SH3RF2: variants seen among roughly 807,000 people sequenced by gnomAD.
SH3RF2 encodes the protein E3 ubiquitin-protein ligase SH3RF2.
SH3RF2 carries 43 observed loss-of-function variants against 59.0 expected under a neutral mutation model. The observed-to-expected ratio is 0.73, with a 90% CI of 0.57 to 0.94. The LOEUF (loss-of-function observed/expected upper bound fraction) is 0.94, where lower values mean the gene tolerates loss of function less well. Ranked by LOEUF, SH3RF2 falls within the 40% of genes least tolerant of loss-of-function variation. SH3RF2 has a pLI of 0.00. For missense variants in SH3RF2, 930 were observed against 940.1 expected (o/e 0.99, Z 0.14); for synonymous variants, 391 against 391.5 (o/e 1.00, Z 0.01).
exon 10 of SH3RF2, chr5:146,081,420 C>T (rs1443015723): frequency 1.3e-5 from 2 of 152,136 alleles, no homozygotes; most frequent in Non-Finnish European, 2.9e-5. Context: ...GTTTTATGTT[C>T]TGTGATTCTG....
chr5:145,967,278 C>T (rs1437214432), intron 2 of SH3RF2, among the ~76,000 whole-genome samples: 1 of 152,106 alleles, frequency 6.6e-6, no homozygotes, highest in African/African-American at 2.4e-5. Flanking sequence ...TCAAGCGACT[C>T]CTCTAATTGG....
chr5:145,987,591 CAT>C (rs1759763872), intron 2 of SH3RF2, among the ~76,000 whole-genome samples: 1 of 152,168 alleles, frequency 6.6e-6, no homozygotes. Context: ...GAGGTCATAA[CAT>C]AATTCTTTTC....
chr5:145,996,032 T>C (rs1434701227), intron 2 of SH3RF2, among the ~76,000 whole-genome samples: 1 of 152,202 alleles, frequency 6.6e-6, no homozygotes, highest in East Asian at 1.9e-4. Context: ...ACCAGTTTCC[T>C]GGGGATGAGC....
At chr5:146,047,344 C>T (rs558759488) in intron 5 of SH3RF2, among the ~76,000 whole-genome samples, 3 of 152,228 alleles carry the variant, frequency 2.0e-5, no homozygotes, top group Non-Finnish European at 4.4e-5. Context: ...ATTAACTTAG[C>T]TGATACTTAT....
At chr5:145,996,321 A>G (rs1428600603) in intron 2 of SH3RF2, among the ~76,000 whole-genome samples, 1 of 152,238 alleles carries the variant, frequency 6.6e-6, no homozygotes, top group East Asian at 1.9e-4. Flanking sequence ...TTGGAAAAGC[A>G]CAAAATAAAA....
At chr5:146,021,989 G>A (rs1761338626) in intron 5 of SH3RF2, among the ~76,000 whole-genome samples, 1 of 152,198 alleles carries the variant, frequency 6.6e-6, no homozygotes, top group South Asian at 2.1e-4. Flanking sequence ...CTTTTTAGCA[G>A]TCAAAATGTC....
chr5:146,068,399 G>A (rs2962537), intron 9 of SH3RF2, among the ~76,000 whole-genome samples: 146,393 of 152,308 alleles, frequency 0.96, 70,660 homozygotes, highest in East Asian at 1. Flanking sequence ...GCACGGGGCA[G>A]TGCCGGGCCA....
chr5:146,075,931 A>C (rs1188517786), intron 9 of SH3RF2, among the ~76,000 whole-genome samples: 1 of 152,058 alleles, frequency 6.6e-6, no homozygotes, highest in East Asian at 1.9e-4. Flanking sequence ...GCCTAATCCC[A>C]AAACCCCTGG....
intron 2 of SH3RF2, among the ~76,000 whole-genome samples, chr5:145,981,708 C>T (rs1227486341): frequency 1.3e-5 from 2 of 152,188 alleles, no homozygotes; most frequent in African/African-American, 4.8e-5. Flanking sequence ...TAGCCACATG[C>T]AGCTCTTCAA....
intron 7 of SH3RF2, 174 bp from the exon 8 acceptor site, chr5:146,055,807 G>A: frequency 2.9e-6 from 2 of 701,404 alleles, no homozygotes. Flanking sequence ...GGGAGGTGGG[G>A]CCAACTTTAG....
chr5:146,000,862 G>A (rs367590392), intron 3 of SH3RF2, among the ~76,000 whole-genome samples: 16 of 152,316 alleles, frequency 1.1e-4, no homozygotes, highest in South Asian at 8.3e-4. Context: ...GGGAAGCACC[G>A]ATACATGGAC....
intron 2 of SH3RF2, among the ~76,000 whole-genome samples, chr5:145,980,704 A>G (rs1481350893): frequency 2.6e-5 from 4 of 152,194 alleles, no homozygotes; most frequent in Middle Eastern, 3.2e-3. Context: ...TAAGCTCCCA[A>G]TATTCAAGGA....
intron 5 of SH3RF2, among the ~76,000 whole-genome samples, chr5:146,023,964 A>T (rs1473057527): frequency 6.6e-6 from 1 of 152,220 alleles, no homozygotes; most frequent in Non-Finnish European, 1.5e-5. Flanking sequence ...GGCAAATAAC[A>T]TTCTATTGTA....
At chr5:146,025,923 C>T (rs1761515569) in intron 5 of SH3RF2, among the ~76,000 whole-genome samples, 1 of 152,202 alleles carries the variant, frequency 6.6e-6, no homozygotes, top group Non-Finnish European at 1.5e-5. Context: ...AGGGTCTTGG[C>T]AATGGTAGCA....
In SH3RF2 at chr5:146,071,530, T is replaced by G. The variant is rs542658021; in HGVS notation, c.*34-6930T>G. Among the ~76,000 whole-genome samples, 26 of 152,364 alleles carry G rather than the reference T, an allele frequency of 1.7e-4. No individual in the cohort carries two copies. The East Asian group carries it at 4.6e-3, about 27-fold the overall frequency. On this transcript the variant is annotated intron_variant, in intron 9 of 9. Coordinates refer to the SH3RF2 transcript ENST00000511217. ...TTTTTAAGCGTAAGTTGTTTTTAGA[T>G]GTTGGCAAGTTTTGGAGCTTAGGAC...
intron 5 of SH3RF2, among the ~76,000 whole-genome samples, chr5:146,025,131 A>G (rs952096950): frequency 6.6e-5 from 10 of 152,190 alleles, no homozygotes; most frequent in Non-Finnish European, 1.3e-4. Context: ...TGATCTCCAC[A>G]CCTACACATC....
chr5:145,948,485 T>C (rs990343624), intron 2 of SH3RF2, among the ~76,000 whole-genome samples: 2 of 151,774 alleles, frequency 1.3e-5, no homozygotes, highest in Non-Finnish European at 2.9e-5. Flanking sequence ...GGACCAAGAG[T>C]AGATGTAAGA....
rs186247849 is a variant in SH3RF2 at position 145,948,679 on chromosome 5, C to T, written c.378+10373C>T. 2.3e-3 allele frequency among the ~76,000 whole-genome samples: 347 copies of T among 152,344 alleles called. 1 individual carries two copies. Among genetic ancestry groups the T allele is most frequent in the African/African-American group, 7.7e-3 (322 of 41,574 alleles). The stretch of plus-strand genomic sequence containing the variant: ...AAACTGTCCAGCTACTTGGGAAATT[C>T]GCCATGTGGCTGATGGCAACCCACC... On this transcript the variant is annotated intron_variant, in intron 2 of 9. Transcript: ENST00000359120.
At position 146,049,183 on chromosome 5, in the gene SH3RF2, C is replaced by T. The variant is rs34737526; in HGVS notation, c.1260C>T (p.Gly420=). 5,521 of 1,614,020 alleles carry T rather than the reference C, an allele frequency of 3.4e-3. 142 individuals carry two copies. In the African/African-American group the frequency reaches 0.056, roughly 16 times the overall value. ...AGTGCCAGGACGGCTGGCTCAGGGG[C>T]GTCTCCTTGGTCACCGGGCGAGTCG... ...LGKCQDGWLR[G]VSLVTGRVGI... Residue 420 remains glycine (G), a synonymous_variant, in exon 7 of 10, where the codon GGC becomes GGT. Coordinates refer to ENST00000359120, the MANE Select transcript of SH3RF2 (RefSeq NM_152550.4).
Sources: allele counts gnomAD v4.1 joint callset (sites outside exome capture counted in the v4.1 genomes callset), GRCh38; gene constraint gnomAD v4.1.1; transcripts MANE v1.5; gene names NCBI Gene and HGNC (gene_info 2026-07-23, HGNC 2026-07-21).